The following HSD17B14 variants were observed in gnomAD, a reference collection of about 807,000 sequenced individuals.
HSD17B14 encodes the protein hydroxysteroid 17-beta dehydrogenase 14.
In HSD17B14, 32 loss-of-function variants were observed where a neutral mutation model predicts 32.2. The ratio of observed to expected loss-of-function variants is 0.99; its 90% CI spans 0.75 to 1.33. The LOEUF (loss-of-function observed/expected upper bound fraction) is 1.33, where lower values mean the gene tolerates loss of function less well. Among genes scored for constraint, HSD17B14 ranks in the 40% most tolerant of loss-of-function variants. The probability of loss-of-function intolerance (pLI) is 0.00; values close to 1 mark genes in which losing one functional copy is unlikely to be tolerated. For synonymous variants in HSD17B14, 140 were observed against 155.4 expected (o/e 0.90, Z 0.74); for missense variants, 370 against 366.5 (o/e 1.01, Z -0.08).
At chr19:48,835,221 T>G (rs371521481) in intron 2 of HSD17B14, among the ~76,000 whole-genome samples, 45 of 3,676 alleles carry the variant, frequency 0.012, 1 homozygote, top group African/African-American at 0.027. Flanking sequence ...AGGGAGGAGG[T>G]GCTGGGAGCC....
intron 5 of HSD17B14, among the ~76,000 whole-genome samples, chr19:48,831,105 G>A (rs956330088): frequency 8.5e-5 from 13 of 152,054 alleles, no homozygotes; most frequent in African/African-American, 3.1e-4. Context: ...AAAGCACTGG[G>A]ATTAAAGGTG....
chr19:48,826,264 A>G (rs374832345), intron 5 of HSD17B14, among the ~76,000 whole-genome samples: 2 of 151,582 alleles, frequency 1.3e-5, no homozygotes, highest in East Asian at 2.0e-4. Flanking sequence ...TGGCCGAGGC[A>G]GGCAGACCGC....
intron 5 of HSD17B14, among the ~76,000 whole-genome samples, chr19:48,817,309 C>G (rs2035074200): frequency 6.6e-6 from 1 of 151,854 alleles, no homozygotes; most frequent in African/African-American, 2.4e-5. Context: ...TCCTGAGTAG[C>G]TGGGACTACA....
At chr19:48,817,156 T>C (rs1411328241) in intron 5 of HSD17B14, among the ~76,000 whole-genome samples, 2 of 137,816 alleles carry the variant, frequency 1.5e-5, no homozygotes, top group East Asian at 4.2e-4. Flanking sequence ...CTGTCTTTAT[T>C]TTTTTTAACA....
Position 48,826,542 on chromosome 19 carries a change from T to TATATATATATATAC in HSD17B14, c.369+5125_369+5126insGTATATATATATAT. Among the ~76,000 whole-genome samples the TATATATATATATAC allele has an allele frequency of 1.2e-3, 100 of 80,070 alleles. 1 individual carries two copies. The highest frequency in any genetic ancestry group is 4.3e-3 in the African/African-American group (82 of 19,066). 52.5% of individuals were successfully genotyped at this position (80,070 alleles called of 152,430 possible). ...GAAAAGAAGAAAATATATATATATATACACACACACACACACACACACACA... is the reference window on the plus strand; with the variant it reads ...GAAAAGAAGAAAATATATATATATATATATATATATATACACACACACACACACACACACACACA... On this transcript the variant is annotated intron_variant, in intron 5 of 8. Transcript: ENST00000263278.
intron 5 of HSD17B14, among the ~76,000 whole-genome samples, chr19:48,824,887 A>G (rs538409817): frequency 1.3e-4 from 20 of 152,302 alleles, no homozygotes; most frequent in Admixed American, 1.1e-3. Context: ...ATGTCAAAAT[A>G]AAAATAAAAA....
intron 5 of HSD17B14, among the ~76,000 whole-genome samples, chr19:48,822,886 G>C (rs991140161): frequency 2.0e-5 from 3 of 151,906 alleles, no homozygotes; most frequent in African/African-American, 7.3e-5. Flanking sequence ...GTGATGGTGA[G>C]GATGACGGTG....
chr19:48,830,650 C>T (rs1323470707), intron 5 of HSD17B14, among the ~76,000 whole-genome samples: 1 of 151,950 alleles, frequency 6.6e-6, no homozygotes, highest in Non-Finnish European at 1.5e-5. Flanking sequence ...CCCGCCTCAG[C>T]CTCCCAAGTA....
chr19:48,836,370 C>G lies in HSD17B14; in HGVS notation c.42G>C (p.Val14=). The G allele has an allele frequency of 1.2e-6, 2 of 1,613,966 alleles. No individual in the cohort carries two copies. Among genetic ancestry groups the G allele is most frequent in the Non-Finnish European group, 1.7e-6 (2 of 1,179,998 alleles). Residue 14 remains valine, a synonymous_variant, in exon 1 of 9, where the codon GTG becomes GTC. Coordinates refer to ENST00000263278, the MANE Select transcript of HSD17B14 (RefSeq NM_016246.3). ...GTRYAGKVVV[V]TGGGRGIGAG... is the part of the protein sequence containing the mutation. ...CTCCGATGCCGCGCCCGCCCCCGGT[C>G]ACGACCACCACCTTCCCGGCATAGC...
At chr19:48,836,278 T>A in intron 1 of HSD17B14, 46 bp downstream of exon 1, 10 of 1,423,760 alleles carry the variant, frequency 7.0e-6, no homozygotes, top group South Asian at 1.1e-5. Context: ...GCCCCCATCC[T>A]TCCTTTCTCA....
chr19:48,818,152 A>T (rs1364466678), intron 5 of HSD17B14, among the ~76,000 whole-genome samples: 1 of 151,788 alleles, frequency 6.6e-6, no homozygotes, highest in Non-Finnish European at 1.5e-5. Context: ...CTCTACTAAA[A>T]ATACAAAAAT....
chr19:48,828,452 T>A (rs1232572816), intron 5 of HSD17B14, among the ~76,000 whole-genome samples: 1 of 151,770 alleles, frequency 6.6e-6, no homozygotes, highest in Non-Finnish European at 1.5e-5. Flanking sequence ...ACCCTGTCTC[T>A]ACAAAAAAGT....
At chr19:48,821,981 T>C (rs2035158939) in intron 5 of HSD17B14, among the ~76,000 whole-genome samples, 2 of 143,700 alleles carry the variant, frequency 1.4e-5, no homozygotes, top group Admixed American at 7.6e-5. Context: ...ATGGTGATGA[T>C]TGTGGTAATG....
intron 5 of HSD17B14, among the ~76,000 whole-genome samples, chr19:48,824,613 A>T (rs918956932): frequency 6.6e-6 from 1 of 151,652 alleles, no homozygotes; most frequent in Non-Finnish European, 1.5e-5. Context: ...TACTAAAAAA[A>T]AAATTAGCCC....
intron 5 of HSD17B14, among the ~76,000 whole-genome samples, chr19:48,829,112 C>A (rs140400180): frequency 6.6e-6 from 1 of 152,184 alleles, no homozygotes; most frequent in East Asian, 1.9e-4. Flanking sequence ...CCCCTCTGGG[C>A]CTGATCCTGA....
chr19:48,814,635 A>G (rs1199266812), intron 6 of HSD17B14, among the ~76,000 whole-genome samples: 2 of 151,970 alleles, frequency 1.3e-5, no homozygotes, highest in East Asian at 3.9e-4. Context: ...AAGTCAGAAG[A>G]TCGAGACCAT....
intron 3 of HSD17B14, among the ~76,000 whole-genome samples, chr19:48,833,934 G>A (rs1258918930): frequency 2.0e-5 from 3 of 151,528 alleles, no homozygotes; most frequent in African/African-American, 7.3e-5. Flanking sequence ...AGGTTGCAGT[G>A]AGCCGAGATC....
intron 2 of HSD17B14, 57 bp from the exon 3 acceptor site, chr19:48,834,415 G>A (rs1206381901): frequency 3.6e-6 from 4 of 1,105,196 alleles, no homozygotes; most frequent in South Asian, 1.4e-5. Context: ...AGGAGGGGTT[G>A]GGGACTTGGA....
chr19:48,828,395 C>G (rs2035285886), intron 5 of HSD17B14, among the ~76,000 whole-genome samples: 1 of 151,954 alleles, frequency 6.6e-6, no homozygotes, highest in African/African-American at 2.4e-5. Flanking sequence ...GCCTGTAATC[C>G]CAGCTTGAGG....
Sources: gnomAD v4.1 joint callset for allele counts (sites outside exome capture counted in the v4.1 genomes callset) on GRCh38, gnomAD v4.1.1 for gene constraint, MANE v1.5 for transcripts, NCBI Gene and HGNC (gene_info 2026-07-23, HGNC 2026-07-21) for gene names.